UNC79: variants seen among roughly 807,000 people sequenced by gnomAD.
UNC79 encodes the protein unc-79 subunit of NALCN channel complex.
A neutral mutation model predicts 283.1 loss-of-function variants in UNC79; 37 were observed. That is an observed-to-expected ratio of 0.13 (90% CI 0.10 to 0.17). The LOEUF (loss-of-function observed/expected upper bound fraction) is 0.17. Ranked by LOEUF, UNC79 falls within the 10% of genes least tolerant of loss-of-function variation. The pLI is 1.00. For missense variants in UNC79, 2,272 were observed against 3,211.1 expected, an observed-to-expected ratio of 0.71 and a Z score of 7.07; for synonymous variants, 1,107 against 1,200.2, an observed-to-expected ratio of 0.92 and a Z score of 1.61.
intron 1 of UNC79, among the ~76,000 whole-genome samples, chr14:93,455,726 C>G (rs2056777604): frequency 6.6e-6 from 1 of 152,080 alleles, no homozygotes; most frequent in South Asian, 2.1e-4. Flanking sequence ...TTTTAAAGTA[C>G]TTATAGCAAC....
rs139389360 is a variant in UNC79 at position 93,593,729 on chromosome 14, G to A, written c.3082G>A (p.Val1028Ile). Reference sequence around the variant, plus strand: ...GTTCTCTCAGCTGTCTTCCCTGGCAGTCCCTCTTCTCCTCCATGCCCTGTC... The same window carrying A: ...GTTCTCTCAGCTGTCTTCCCTGGCAATCCCTCTTCTCCTCCATGCCCTGTC... Residue 1028 changes from valine to isoleucine, a missense_variant, in exon 23 of 49, where the codon GTC becomes ATC. Around this residue, in one of 11 missense-constraint regions of UNC79, gnomAD observed 237 missense variants for 378.9 expected, o/e 0.63. Coordinates refer to ENST00000555664, the Ensembl canonical transcript of UNC79. 58 of 1,613,544 alleles carry A rather than the reference G, an allele frequency of 3.6e-5. No homozygotes were observed. Among genetic ancestry groups the A allele is most frequent in the Non-Finnish European group, 4.2e-5 (49 of 1,179,832 alleles).
intron 1 of UNC79, among the ~76,000 whole-genome samples, chr14:93,346,512 CAG>C (rs1220581893): frequency 1.3e-5 from 2 of 152,152 alleles, no homozygotes; most frequent in Admixed American, 1.3e-4. Flanking sequence ...GCCGTAGTGA[CAG>C]ATAATTACAT....
chr14:93,517,198 T>C (rs1344991747), intron 7 of UNC79, among the ~76,000 whole-genome samples: 1 of 150,176 alleles, frequency 6.7e-6, no homozygotes, highest in Non-Finnish European at 1.5e-5. Context: ...TCTCCACCCC[T>C]CTCTCCCTTT....
intron 1 of UNC79, among the ~76,000 whole-genome samples, chr14:93,356,026 CTTT>C (rs56265512): frequency 1.6e-4 from 20 of 122,460 alleles, no homozygotes; most frequent in Admixed American, 2.5e-4. Flanking sequence ...TACTAGTGTA[CTTT>C]TTTTTTTTTT....
At position 93,704,948 on chromosome 14, in the gene UNC79, G is replaced by T. The variant is rs150322521; in HGVS notation, c.7590+282G>T. On this transcript the variant is annotated intron_variant, in intron 48 of 48. Transcript: ENST00000555664. The stretch of plus-strand genomic sequence containing the variant: ...CCTCAATCCACTGATGAGAGTACAG[G>T]CCGAGGCCGGGTGCAATGGCTTCTG... 1.1e-4 allele frequency among the ~76,000 whole-genome samples: 17 copies of T among 152,262 alleles called. No homozygotes were observed. In the East Asian group the frequency reaches 3.1e-3, roughly 28 times the overall value.
At chr14:93,537,096 C>T (rs1017651104) in intron 11 of UNC79, among the ~76,000 whole-genome samples, 1 of 152,166 alleles carries the variant, frequency 6.6e-6, no homozygotes, top group Non-Finnish European at 1.5e-5. Context: ...TAGAGTCTAA[C>T]GCCCCCTTGG....
At chr14:93,663,468 T>C (rs2071814871) in intron 40 of UNC79, among the ~76,000 whole-genome samples, 1 of 152,242 alleles carries the variant, frequency 6.6e-6, no homozygotes, top group East Asian at 1.9e-4. Context: ...CTGTTTCTGT[T>C]GTTCTCTCTT....
chr14:93,500,124 G>A (rs746420721), intron 7 of UNC79, among the ~76,000 whole-genome samples: 16 of 152,116 alleles, frequency 1.1e-4, no homozygotes, highest in Non-Finnish European at 1.9e-4. Flanking sequence ...CCTGTTCAGA[G>A]CATCTCAAAA....
upstream of UNC79, among the ~76,000 whole-genome samples, chr14:93,428,623 A>G (rs1332777700): frequency 6.6e-6 from 1 of 152,182 alleles, no homozygotes; most frequent in African/African-American, 2.4e-5. Flanking sequence ...TATGGGTGCT[A>G]TCAGGCTTTG....
At chr14:93,487,895 A>G in intron 5 of UNC79, 140 bp downstream of exon 5, 2 of 701,190 alleles carry the variant, frequency 2.9e-6, no homozygotes, top group Admixed American at 6.3e-5. Flanking sequence ...GTTGGAATCA[A>G]TTTATCTTGC....
intron 13 of UNC79, among the ~76,000 whole-genome samples, chr14:93,542,049 T>TG (rs1408989860): frequency 6.6e-6 from 1 of 150,880 alleles, no homozygotes; most frequent in African/African-American, 2.4e-5. Flanking sequence ...GATAGTGAAT[T>TG]GGGGGGACTC....
At position 93,348,202 on chromosome 14, in the gene UNC79, TAGTTG is replaced by T. The variant is rs1429450962; in HGVS notation, c.-351+14686_-351+14690del. 7 of 821,404 alleles carry T rather than the reference TAGTTG, an allele frequency of 8.5e-6. No homozygotes were observed. In the African/African-American group the frequency reaches 1.0e-4, roughly 12 times the overall value. 50.9% of individuals were successfully genotyped at this position (821,404 alleles called of 1,614,324 possible). A position where few individuals can be genotyped will look rare whatever the true frequency, so the allele number is the denominator to read the frequency against. ...GTTTTTGTTAACGAGCAAAATTGCCTAGTTGAGTTGATGCAACCATTGTGGTATTC... is the reference window on the plus strand; with the variant it reads ...GTTTTTGTTAACGAGCAAAATTGCCTAGTTGATGCAACCATTGTGGTATTC... On this transcript the variant is annotated intron_variant, in intron 1 of 49. Coordinates refer to the UNC79 transcript ENST00000256339.
chr14:93,461,972 A>AAAAAG (rs1555413333), intron 1 of UNC79, among the ~76,000 whole-genome samples: 2,350 of 145,832 alleles, frequency 0.016, 65 homozygotes, highest in African/African-American at 0.048. Context: ...CAAAAAAAAA[A>AAAAAG]AAAGAAAGAA....
chr14:93,540,779 A>G, exon 13 of UNC79: 1 of 1,613,646 alleles, frequency 6.2e-7, no homozygotes, highest in Non-Finnish European at 8.5e-7. Flanking sequence ...GATAACAAGG[A>G]CGATGATAAA....
At chr14:93,608,133 C>G (rs902774826) in intron 26 of UNC79, among the ~76,000 whole-genome samples, 4 of 152,154 alleles carry the variant, frequency 2.6e-5, no homozygotes, top group African/African-American at 4.8e-5. Flanking sequence ...TAGCTTGGAT[C>G]AGAGGTGTGT....
intron 35 of UNC79, among the ~76,000 whole-genome samples, chr14:93,649,315 A>AT (rs1275044864): frequency 2.6e-5 from 4 of 152,094 alleles, no homozygotes; most frequent in Non-Finnish European, 5.9e-5. Flanking sequence ...TTTTCTTAAC[A>AT]TTTTTTATGG....
intron 10 of UNC79, 43 bp from the exon 11 acceptor site, chr14:93,532,507 G>A: frequency 1.9e-6 from 3 of 1,592,080 alleles, no homozygotes; most frequent in Non-Finnish European, 2.6e-6. Context: ...AATTAGAGGG[G>A]CTCTCTTTCT....
chr14:93,570,226 A>G (rs12431888), intron 14 of UNC79, among the ~76,000 whole-genome samples: 78 of 152,286 alleles, frequency 5.1e-4, no homozygotes, highest in Middle Eastern at 3.4e-3. Context: ...TTTTTTTAAT[A>G]CCTCAAAGAA....
intron 7 of UNC79, among the ~76,000 whole-genome samples, chr14:93,505,110 T>A (rs2059464850): frequency 6.6e-6 from 1 of 152,112 alleles, no homozygotes; most frequent in African/African-American, 2.4e-5. Context: ...AACTCAAGAA[T>A]GTAAAAAGAA....
Sources: allele counts gnomAD v4.1 joint callset (sites outside exome capture counted in the v4.1 genomes callset), GRCh38; gene constraint gnomAD v4.1.1; regional missense constraint gnomAD v4.1.1; transcripts MANE v1.5; gene names NCBI Gene and HGNC (gene_info 2026-07-23, HGNC 2026-07-21).